The following PHLDB2 variants were observed in gnomAD, a reference collection of about 807,000 sequenced individuals.
The protein encoded by PHLDB2 is pleckstrin homology like domain family B member 2, also known as pleckstrin homology-like domain family B member 2.
A neutral mutation model predicts 123.6 loss-of-function variants in PHLDB2; 71 were observed. The observed-to-expected ratio is 0.57, with a 90% CI of 0.47 to 0.70. PHLDB2 has a LOEUF of 0.70. PHLDB2 is among the 30% of genes least tolerant of loss of function. PHLDB2 has a pLI of 0.00. For synonymous variants in PHLDB2, 547 were observed against 541.6 expected (o/e 1.01, Z -0.14); for missense variants, 1,446 against 1,519.5 (o/e 0.95, Z 0.80).
At position 111,884,830 on chromosome 3, in the gene PHLDB2, C is replaced by T; in HGVS notation, c.753C>T (p.Ala251=). The T allele has an allele frequency of 5.0e-6, 8 of 1,614,126 alleles. No homozygotes were observed. The highest frequency in any genetic ancestry group is 6.8e-6 in the Non-Finnish European group (8 of 1,180,016). Residue 251 remains alanine, a synonymous_variant, in exon 2 of 18, where the codon GCC becomes GCT. Transcript: ENST00000431670. The stretch of plus-strand genomic sequence containing the variant: ...GCAGCAGCCTGAGTCACATGGGAGC[C>T]TACAGCCGATCACTTCCCAGGTTGT... ...YSSSSLSHMG[A]YSRSLPRLYR...
Position 111,962,102 on chromosome 3 carries a change from C to A in PHLDB2, c.2873-6C>A. 3 of 1,575,242 alleles carry A rather than the reference C, an allele frequency of 1.9e-6. No individual in the cohort carries two copies. Among genetic ancestry groups the A allele is most frequent in the Non-Finnish European group, 2.6e-6 (3 of 1,169,218 alleles). On this transcript the variant is annotated splice_region_variant and splice_polypyrimidine_tract_variant and intron_variant, in intron 12 of 17. Transcript: ENST00000431670. ...CAAACTAACATATTTATGGCTCCTT[C>A]CTTAGGTTATAATCACCAACAGATG...
At chr3:111,898,048 A>C (rs2066969461) in intron 2 of PHLDB2, among the ~76,000 whole-genome samples, 1 of 152,150 alleles carries the variant, frequency 6.6e-6, no homozygotes. Flanking sequence ...CAATTATATG[A>C]GCCTTCAGTG....
intron 6 of PHLDB2, among the ~76,000 whole-genome samples, chr3:111,936,255 T>A (rs910876579): frequency 4.6e-5 from 7 of 152,234 alleles, no homozygotes; most frequent in African/African-American, 1.4e-4. Flanking sequence ...CCTTCATGCC[T>A]GGCCTTTGAG....
At chr3:111,807,700 A>G (rs2061654564) in intron 1 of PHLDB2, among the ~76,000 whole-genome samples, 1 of 152,204 alleles carries the variant, frequency 6.6e-6, no homozygotes, top group South Asian at 2.1e-4. Context: ...TCAAGGCTGC[A>G]GTGAGCTATG....
chr3:111,873,459 A>C (rs972937862), intron 1 of PHLDB2, among the ~76,000 whole-genome samples: 4 of 152,190 alleles, frequency 2.6e-5, no homozygotes, highest in African/African-American at 9.6e-5. Flanking sequence ...GAGTATATTA[A>C]TGTATTTTAT....
At chr3:111,844,684 C>G (rs2063866077) in intron 1 of PHLDB2, among the ~76,000 whole-genome samples, 1 of 152,304 alleles carries the variant, frequency 6.6e-6, no homozygotes, top group Non-Finnish European at 1.5e-5. Flanking sequence ...GCAATATAAA[C>G]AAAACCTGGT....
At position 111,938,756 on chromosome 3, in the gene PHLDB2, AAATT is replaced by A. The variant is rs2069664111; in HGVS notation, c.2131-718_2131-715del. Among the ~76,000 whole-genome samples the A allele has an allele frequency of 3.3e-5, 5 of 152,170 alleles. No homozygotes were observed. The South Asian group carries it at 1.0e-3, about 32-fold the overall frequency. ...CCACATTAGTCTTGTTTTCTATGAA[AAATT>A]GAAGAAAAGAAGAGCTTCCTTTCCT... On this transcript the variant is annotated intron_variant, in intron 6 of 17. Transcript: ENST00000431670.
At chr3:111,741,557 C>CTGTG (rs945974765) in intron 1 of PHLDB2, among the ~76,000 whole-genome samples, 7 of 150,908 alleles carry the variant, frequency 4.6e-5, no homozygotes, top group African/African-American at 1.7e-4. Context: ...GTGTGTGTGT[C>CTGTG]TGTGTGTGTG....
chr3:111,762,928 G>A (rs11710738), intron 1 of PHLDB2, among the ~76,000 whole-genome samples: 56,568 of 151,970 alleles, frequency 0.37, 12,898 homozygotes, highest in South Asian at 0.54. Flanking sequence ...AAAAAGGAGA[G>A]CAATGACTAA....
chr3:111,820,522 CA>C, intron 1 of PHLDB2, among the ~76,000 whole-genome samples: 1 of 152,318 alleles, frequency 6.6e-6, no homozygotes, highest in Admixed American at 6.5e-5. Flanking sequence ...ATCCATTCTA[CA>C]CTATATTTAC....
Position 111,743,678 on chromosome 3 carries a change from G to A in PHLDB2, c.-49+10975G>A, listed in dbSNP as rs565338373. Among the ~76,000 whole-genome samples the A allele has an allele frequency of 1.3e-3, 201 of 152,290 alleles. 1 individual carries two copies. The highest frequency in any genetic ancestry group is 4.6e-3 in the African/African-American group (193 of 41,564). On this transcript the variant is annotated intron_variant, in intron 1 of 17. Transcript: ENST00000393923. ...AACTCTCCAATACTACACATTGTAA[G>A]CAGAATATAAGTCAGAAGGGTCAGC...
At chr3:111,971,075 T>A (rs1019331393) in intron 16 of PHLDB2, among the ~76,000 whole-genome samples, 1 of 152,180 alleles carries the variant, frequency 6.6e-6, no homozygotes, top group Non-Finnish European at 1.5e-5. Context: ...GGCCTGCCGG[T>A]CCTAGGTCCC....
At chr3:111,783,819 A>G (rs1030061597) in intron 1 of PHLDB2, among the ~76,000 whole-genome samples, 1 of 152,164 alleles carries the variant, frequency 6.6e-6, no homozygotes, top group Non-Finnish European at 1.5e-5. Flanking sequence ...AGTTATGCCA[A>G]ACTTGAAACA....
chr3:111,956,504 T>C (rs1159639695), intron 12 of PHLDB2, among the ~76,000 whole-genome samples: 1 of 152,256 alleles, frequency 6.6e-6, no homozygotes, highest in African/African-American at 2.4e-5. Context: ...TGTTCTTTAT[T>C]GATACGTCCT....
intron 1 of PHLDB2, among the ~76,000 whole-genome samples, chr3:111,791,121 A>C (rs577671231): frequency 7.4e-4 from 113 of 152,342 alleles, no homozygotes; most frequent in African/African-American, 2.6e-3. Flanking sequence ...AGATTTTCAG[A>C]ATTATAAAAA....
chr3:111,902,856 C>T (rs1336401651), intron 2 of PHLDB2, among the ~76,000 whole-genome samples: 2 of 152,176 alleles, frequency 1.3e-5, no homozygotes, highest in Non-Finnish European at 2.9e-5. Context: ...CCAGGCTAGT[C>T]TCTAACTCCT....
chr3:111,920,194 T>C (rs1323857603), intron 4 of PHLDB2, 88 bp from the exon 5 acceptor site: 37 of 1,448,180 alleles, frequency 2.6e-5, no homozygotes, highest in Non-Finnish European at 3.3e-5. Flanking sequence ...TTTGGAAATT[T>C]GTAGCTGTTG....
At chr3:111,758,024 T>G (rs1039772833) in intron 1 of PHLDB2, among the ~76,000 whole-genome samples, 14 of 152,244 alleles carry the variant, frequency 9.2e-5, no homozygotes, top group African/African-American at 3.1e-4. Flanking sequence ...GGGGGGTGCC[T>G]CCCAGTTAGG....
chr3:111,783,447 A>G (rs555509703), intron 1 of PHLDB2, among the ~76,000 whole-genome samples: 1 of 152,228 alleles, frequency 6.6e-6, no homozygotes, highest in African/African-American at 2.4e-5. Context: ...ATAAAATAAA[A>G]TAATTGAAAA....
Sources: allele counts gnomAD v4.1 joint callset (sites outside exome capture counted in the v4.1 genomes callset), GRCh38; gene constraint gnomAD v4.1.1; transcripts MANE v1.5; gene names NCBI Gene and HGNC (gene_info 2026-07-23, HGNC 2026-07-21).